GPC5: variants seen among roughly 807,000 people sequenced by gnomAD.
GPC5 encodes the protein glypican 5.
GPC5 carries 47 observed loss-of-function variants against 53.9 expected under a neutral mutation model. That is an observed-to-expected ratio of 0.87 (90% CI 0.69 to 1.11). The LOEUF is 1.11. Among genes scored for constraint, GPC5 ranks in the 50% most tolerant of loss-of-function variants. The pLI is 0.00. For missense variants in GPC5, 748 were observed against 713.1 expected (o/e 1.05, Z -0.56); for synonymous variants, 286 against 263.3 (o/e 1.09, Z -0.84).
At chr13:92,440,560 A>G (rs942686163) in intron 7 of GPC5, among the ~76,000 whole-genome samples, 2 of 152,208 alleles carry the variant, frequency 1.3e-5, no homozygotes, top group African/African-American at 2.4e-5. Context: ...GGCAATGAAC[A>G]TACAGGTGCA....
At chr13:92,670,299 T>C (rs9516115) in intron 7 of GPC5, among the ~76,000 whole-genome samples, 22,979 of 152,096 alleles carry the variant, frequency 0.15, 2,090 homozygotes, top group Non-Finnish European at 0.21. Flanking sequence ...CAGTGATCAA[T>C]GTGAGGCATC....
chr13:91,978,189 G>A (rs2040324736), intron 6 of GPC5, among the ~76,000 whole-genome samples: 1 of 152,108 alleles, frequency 6.6e-6, no homozygotes. Flanking sequence ...CTCAGGCCCA[G>A]CTGAAAGCTA....
chr13:92,832,273 A>G (rs1001058538), intron 7 of GPC5, among the ~76,000 whole-genome samples: 2 of 152,186 alleles, frequency 1.3e-5, no homozygotes, highest in Non-Finnish European at 2.9e-5. Flanking sequence ...AAAGATCAAC[A>G]TGGCATTTGT....
intron 7 of GPC5, among the ~76,000 whole-genome samples, chr13:92,530,241 A>G (rs1210785294): frequency 6.6e-6 from 1 of 152,088 alleles, no homozygotes; most frequent in East Asian, 1.9e-4. Context: ...AAATCTTAGG[A>G]GCTTCCATGT....
chr13:92,866,651 C>T lies in GPC5; in HGVS notation c.*212C>T, dbSNP rs981662256. ...CTTTAAAAATATGTCTTTTTTCAAT[C>T]TAACTGAAAACCTTCTTAACTTCTA... is the stretch of plus-strand genomic sequence containing the variant. On this transcript the variant is annotated 3_prime_UTR_variant, in exon 8 of 8. Transcript: ENST00000377067. 3.9e-5 allele frequency: 14 copies of T among 358,966 alleles called. No homozygotes were observed. Among genetic ancestry groups the T allele is most frequent in the African/African-American group, 2.9e-4 (14 of 47,736 alleles). The allele number at this position is 358,966 out of a possible 1,614,324, so 22.2% of individuals were successfully genotyped here. A position where few individuals can be genotyped will look rare whatever the true frequency, so the allele number is the denominator to read the frequency against.
chr13:92,344,358 C>T (rs542917892), intron 7 of GPC5, among the ~76,000 whole-genome samples: 50 of 152,176 alleles, frequency 3.3e-4, no homozygotes, highest in African/African-American at 9.9e-4. Context: ...GTCCCTCCCA[C>T]GACATGCAGG....
At chr13:92,286,033 A>G (rs1341432148) in intron 7 of GPC5, among the ~76,000 whole-genome samples, 1 of 152,242 alleles carries the variant, frequency 6.6e-6, no homozygotes, top group African/African-American at 2.4e-5. Context: ...AAAGAACTCA[A>G]AGAAATTTAC....
intron 7 of GPC5, among the ~76,000 whole-genome samples, chr13:92,558,781 GA>G (rs1192097896): frequency 1.3e-5 from 2 of 151,774 alleles, no homozygotes; most frequent in Admixed American, 6.6e-5. Context: ...TATAGTAATA[GA>G]AAAAAAGATA....
chr13:92,815,621 A>C (rs763182514), intron 7 of GPC5, among the ~76,000 whole-genome samples: 1 of 151,890 alleles, frequency 6.6e-6, no homozygotes, highest in African/African-American at 2.4e-5. Context: ...GTATCGAAAA[A>C]TGTTCTGGCA....
At chr13:92,716,838 G>GCTTT (rs1345338830) in intron 7 of GPC5, among the ~76,000 whole-genome samples, 1 of 152,062 alleles carries the variant, frequency 6.6e-6, no homozygotes, top group Admixed American at 6.6e-5. Flanking sequence ...CAACCAATAA[G>GCTTT]CTTTCTTTAG....
At chr13:92,516,245 A>T (rs777392362) in intron 7 of GPC5, among the ~76,000 whole-genome samples, 5 of 152,178 alleles carry the variant, frequency 3.3e-5, no homozygotes, top group Non-Finnish European at 5.9e-5. Context: ...GGTCTACACA[A>T]GAAAATAATA....
intron 2 of GPC5, among the ~76,000 whole-genome samples, chr13:91,469,094 T>G (rs1283168900): frequency 6.6e-6 from 1 of 151,778 alleles, no homozygotes; most frequent in African/African-American, 2.4e-5. Context: ...TTCTTTTTAT[T>G]CTCTTCTCTC....
At chr13:92,625,503 G>A (rs1885018056) in intron 7 of GPC5, among the ~76,000 whole-genome samples, 1 of 152,176 alleles carries the variant, frequency 6.6e-6, no homozygotes, top group Non-Finnish European at 1.5e-5. Context: ...AGATGATACA[G>A]GTCAAAGATA....
In GPC5 at chr13:91,838,520, T is replaced by C. The variant is rs577170643; in HGVS notation, c.1281-69417T>C. 7.6e-4 allele frequency among the ~76,000 whole-genome samples: 115 copies of C among 151,826 alleles called. 2 individuals are homozygous for C. The highest frequency in any genetic ancestry group is 1.5e-3 in the Non-Finnish European group (104 of 67,972). On this transcript the variant is annotated intron_variant, in intron 5 of 7. Transcript: ENST00000377067. Reference sequence around the variant, plus strand: ...AGTGAAGGGAAGAGTTGAGTAGAGATGTAAATGTTAAAATCAAGGAGAAAA... The same window carrying C: ...AGTGAAGGGAAGAGTTGAGTAGAGACGTAAATGTTAAAATCAAGGAGAAAA...
At chr13:92,703,644 G>A (rs906853314) in intron 7 of GPC5, among the ~76,000 whole-genome samples, 1 of 149,714 alleles carries the variant, frequency 6.7e-6, no homozygotes, top group Admixed American at 6.7e-5. Context: ...TTTATAAGAT[G>A]TTATAAGTTT....
At chr13:92,373,890 G>T (rs9523646) in intron 7 of GPC5, among the ~76,000 whole-genome samples, 89,918 of 151,968 alleles carry the variant, frequency 0.59, 26,820 homozygotes, top group East Asian at 0.7. Flanking sequence ...AATGGTTAGT[G>T]TCATAAAACT....
At chr13:92,581,391 G>C (rs1259351983) in intron 7 of GPC5, among the ~76,000 whole-genome samples, 2 of 152,014 alleles carry the variant, frequency 1.3e-5, no homozygotes, top group Non-Finnish European at 2.9e-5. Context: ...CATTGCAAAT[G>C]ACAAGATTTC....
rs1026511810 is a variant in GPC5, at chr13:91,402,509, A to C, written c.163+3300A>C. Among the ~76,000 whole-genome samples the C allele has an allele frequency of 2.0e-5, 3 of 152,230 alleles. No individual in the cohort carries two copies. In the South Asian group the frequency reaches 6.2e-4, roughly 31 times the overall value. ...CTTGGAGTTTGGATTTACTGGATAG[A>C]CATTTGGCTTTCAAAACTTGGTTCT... On this transcript the variant is annotated intron_variant, in intron 1 of 7. Coordinates refer to ENST00000377067, the MANE Select transcript of GPC5 (RefSeq NM_004466.6).
chr13:92,064,540 A>G (rs1174392943), intron 6 of GPC5, among the ~76,000 whole-genome samples: 1 of 152,024 alleles, frequency 6.6e-6, no homozygotes, highest in East Asian at 1.9e-4. Context: ...GGTGGATCAC[A>G]AGGGCAGGGT....
Sources: allele counts gnomAD v4.1 joint callset (sites outside exome capture counted in the v4.1 genomes callset), GRCh38; gene constraint gnomAD v4.1.1; transcripts MANE v1.5; gene names NCBI Gene and HGNC (gene_info 2026-07-23, HGNC 2026-07-21).